The following N4BP3 variants were observed in gnomAD, a reference collection of about 807,000 sequenced individuals.
N4BP3 encodes NEDD4 binding protein 3.
A neutral mutation model predicts 43.8 loss-of-function variants in N4BP3; 33 were observed. The ratio of observed to expected loss-of-function variants is 0.75; its 90% CI spans 0.57 to 1.01. The LOEUF (loss-of-function observed/expected upper bound fraction) is 1.01. N4BP3 is among the 50% of genes least tolerant of loss of function. N4BP3 has a pLI of 0.00. For synonymous variants in N4BP3, 326 were observed against 321.9 expected, an observed-to-expected ratio of 1.01 and a Z score of -0.14; for missense variants, 756 against 744.2, an observed-to-expected ratio of 1.02 and a Z score of -0.18.
At position 178,120,692 on chromosome 5, in the gene N4BP3, T is replaced by A; in HGVS notation, c.845T>A (p.Phe282Tyr). 6.3e-7 allele frequency: 1 copy of A among 1,587,092 alleles called. No homozygotes were observed. The highest frequency in any genetic ancestry group is 8.5e-7 in the Non-Finnish European group (1 of 1,171,660). The change falls in exon 3 of 5, where the codon TTC becomes TAC. Residue 282 changes from phenylalanine to tyrosine, a missense_variant. By Grantham distance (22) the Phe-to-Tyr change is conservative. Transcript: ENST00000274605. ...GGCGATGAGGACGGCTCCAACCCCT[T>A]CACGCAGGTGAGGGAGCCCCTGCCC... ...GLGDEDGSNP[F>Y]TQVLEERQRL... is the part of the protein sequence containing the mutation.
At chr5:178,126,273 A>C (rs1438634774), downstream of N4BP3, among the ~76,000 whole-genome samples, 1 of 70,076 alleles carries the variant, frequency 1.4e-5, no homozygotes, top group African/African-American at 4.3e-5. Context: ...CCGCCTCCCG[A>C]GTTCAAGCAG....
At chr5:178,116,456 T>C (rs947719560) in intron 1 of N4BP3, among the ~76,000 whole-genome samples, 1 of 152,134 alleles carries the variant, frequency 6.6e-6, no homozygotes, top group Non-Finnish European at 1.5e-5. Context: ...GGGAAGGGGC[T>C]GTCTGCTGCT....
intron 1 of N4BP3, among the ~76,000 whole-genome samples, chr5:178,114,030 C>A (rs760798890): frequency 6.6e-6 from 1 of 152,128 alleles, no homozygotes; most frequent in Non-Finnish European, 1.5e-5. Context: ...GGCTACCTTG[C>A]TCTCCCCAAC....
Position 178,125,167 on chromosome 5 carries a change from C to G in N4BP3, c.*3166C>G, listed in dbSNP as rs1237921005. The G allele has an allele frequency of 6.6e-6, 1 of 152,444 alleles. No homozygotes were observed. The highest frequency in any genetic ancestry group is 2.4e-5 in the African/African-American group (1 of 41,460). 9.4% of individuals were successfully genotyped at this position (152,444 alleles called of 1,614,324 possible). On this transcript the variant is annotated 3_prime_UTR_variant, in exon 5 of 5. Transcript: ENST00000274605. Reference sequence around the variant, plus strand: ...ACTCCAGGGGCAGCTGCCATTCGTTCCAGTGATGTATTTGGGGCCTTCTCA... The same window carrying G: ...ACTCCAGGGGCAGCTGCCATTCGTTGCAGTGATGTATTTGGGGCCTTCTCA...
rs753336203 is a variant in N4BP3 at position 178,121,098 on chromosome 5, G to A, written c.853G>A (p.Val285Met). 3.1e-6 allele frequency: 5 copies of A among 1,597,400 alleles called. No homozygotes were observed. In the Admixed American group the frequency reaches 8.4e-5, roughly 27 times the overall value. ...TGGATGCATCTCTTCCCCTTGACAG[G>A]TGCTGGAGGAGCGCCAGCGGCTGTG... ...DEDGSNPFTQ[V>M]LEERQRLWLA... Residue 285 changes from valine (V) to methionine (M), a missense_variant and splice_region_variant, in exon 4 of 5, where the codon GTG becomes ATG. Transcript: ENST00000274605.
chr5:178,115,404 C>T (rs1030877529), intron 1 of N4BP3, among the ~76,000 whole-genome samples: 3 of 152,144 alleles, frequency 2.0e-5, no homozygotes, highest in Non-Finnish European at 4.4e-5. Context: ...CAGACACGCC[C>T]CTTAGCAGAG....
rs1053745538 is a variant in N4BP3 at position 178,121,482 on chromosome 5, G to A, written c.1116G>A (p.Gln372=). 8.7e-6 allele frequency: 14 copies of A among 1,613,948 alleles called. No homozygotes were observed. The highest frequency in any genetic ancestry group is 1.7e-5 in the Admixed American group (1 of 60,028). Residue 372 remains glutamine (Q), a synonymous_variant, in exon 5 of 5, where the codon CAG becomes CAA. Coordinates refer to ENST00000274605, the MANE Select transcript of N4BP3 (RefSeq NM_015111.2). ...TCCTCCCCATCCCCCAGGTGTGCCA[G>A]AAGACAGCAGAGATTAGCCTCTTGA... ...PEEEARWEVC[Q]KTAEISLLKQ...
Position 178,121,898 on chromosome 5 carries a change from A to T in N4BP3, c.1532A>T (p.Tyr511Phe). The T allele has an allele frequency of 1.2e-6, 2 of 1,611,456 alleles. No homozygotes were observed. The highest frequency in any genetic ancestry group is 1.1e-5 in the South Asian group (1 of 90,936). Residue 511 changes from tyrosine to phenylalanine, a missense_variant, in exon 5 of 5, where the codon TAC (tyrosine) becomes TTC (phenylalanine). Physicochemically the swap from Tyr to Phe is conservative, Grantham distance 22. Transcript: ENST00000274605. ...LRYQREIQGG[Y>F]MDMYRRNQAL... The stretch of plus-strand genomic sequence containing the variant: ...TACCAGCGGGAGATCCAGGGAGGGT[A>T]CATGGACATGTACCGCCGCAACCAG...
chr5:178,114,275 A>G (rs1419818460), intron 1 of N4BP3, among the ~76,000 whole-genome samples: 1 of 152,076 alleles, frequency 6.6e-6, no homozygotes, highest in Non-Finnish European at 1.5e-5. Flanking sequence ...CTTTCCTGAC[A>G]CAAATTCCGT....
At chr5:178,117,482 G>C (rs148819292) in intron 1 of N4BP3, among the ~76,000 whole-genome samples, 5 of 151,954 alleles carry the variant, frequency 3.3e-5, no homozygotes, top group Non-Finnish European at 5.9e-5. Flanking sequence ...ACAGTGTCAC[G>C]CACCTGTGTT....
chr5:178,118,415 CTG>C lies in N4BP3; in HGVS notation c.-30-1138_-30-1137del, dbSNP rs1341749097. Among the ~76,000 whole-genome samples the C allele has an allele frequency of 6.6e-6, 1 of 152,214 alleles. No individual in the cohort carries two copies. The highest frequency in any genetic ancestry group is 2.4e-5 in the African/African-American group (1 of 41,450). ...GTGTGTGTGCGGAAGTCCAGGCTCA[CTG>C]AGGTTAGTGGCTTGGCCGGGGTCAC... On this transcript the variant is annotated intron_variant, in intron 1 of 4. Transcript: ENST00000274605. The surrounding 1 kb of genome is among the most constrained non-coding windows in gnomAD (Gnocchi z 5.4).
chr5:178,120,037 T>C, intron 2 of N4BP3, 124 bp downstream of exon 2: 1 of 1,467,624 alleles, frequency 6.8e-7, no homozygotes, highest in Non-Finnish European at 9.1e-7. Context: ...TGGGCTGGCC[T>C]GAGGTTTGTT....
rs1408406720 is a variant in N4BP3 at position 178,125,875 on chromosome 5, A to G, written c.*3874A>G. 1 of 151,788 alleles carries G rather than the reference A, an allele frequency of 6.6e-6. No individual in the cohort carries two copies. The highest frequency in any genetic ancestry group is 1.5e-5 in the Non-Finnish European group (1 of 67,968). 9.4% of individuals were successfully genotyped at this position (151,788 alleles called of 1,614,324 possible). On this transcript the variant is annotated 3_prime_UTR_variant, in exon 5 of 5. Coordinates refer to ENST00000274605, the MANE Select transcript of N4BP3 (RefSeq NM_015111.2). ...TGGCAACCACTGATCTGCTTTCACA[A>G]TAACCGTATGGGGTTTTTTCTCTTT... is the stretch of plus-strand genomic sequence containing the variant.
chr5:178,121,503 CTT>C lies in N4BP3; in HGVS notation c.1138_1139del (p.Leu380GlufsTer6). 1 of 1,613,962 alleles carries C rather than the reference CTT, an allele frequency of 6.2e-7. No individual in the cohort carries two copies. The highest frequency in any genetic ancestry group is 1.1e-5 in the South Asian group (1 of 91,092). On this transcript the variant is annotated frameshift_variant, in exon 5 of 5. Coordinates refer to ENST00000274605, the MANE Select transcript of N4BP3 (RefSeq NM_015111.2). LOFTEE classifies it high-confidence loss of function. The part of the protein sequence containing the change: ...VCQKTAEISL[L>X]KQQLREAQAE... ...GCCAGAAGACAGCAGAGATTAGCCT[CTT>C]GAAGCAGCAGCTGCGTGAAGCCCAG...
In N4BP3 at chr5:178,124,877, A is replaced by G. The variant is rs1174394916; in HGVS notation, c.*2876A>G. 1 of 152,558 alleles carries G rather than the reference A, an allele frequency of 6.6e-6. No homozygotes were observed. The highest frequency in any genetic ancestry group is 1.5e-5 in the Non-Finnish European group (1 of 68,348). The allele number at this position is 152,558 out of a possible 1,614,324, so 9.5% of individuals were successfully genotyped here. A position where few individuals can be genotyped will look rare whatever the true frequency, so the allele number is the denominator to read the frequency against. On this transcript the variant is annotated 3_prime_UTR_variant, in exon 5 of 5. Transcript: ENST00000274605. ...TGGGCACTCCCTCCTCCCTGCGCCC[A>G]CAGCCCCCATGCCAATCTCCGTCAG...
In N4BP3 at chr5:178,122,047, C is replaced by G; in HGVS notation, c.*46C>G. ...AGCAGCAACACTGTCAGAAGGTGCCCTGAGACGGCCGGCTCAGCCTTCCCT... is the reference window on the plus strand; with the variant it reads ...AGCAGCAACACTGTCAGAAGGTGCCGTGAGACGGCCGGCTCAGCCTTCCCT... On this transcript the variant is annotated 3_prime_UTR_variant, in exon 5 of 5. Coordinates refer to ENST00000274605, the MANE Select transcript of N4BP3 (RefSeq NM_015111.2). 6.6e-7 allele frequency: 1 copy of G among 1,523,196 alleles called. No homozygotes were observed. Among genetic ancestry groups the G allele is most frequent in the Non-Finnish European group, 8.8e-7 (1 of 1,138,228 alleles). The allele number at this position is 1,523,196 out of a possible 1,614,324, so 94.4% of individuals were successfully genotyped here.
At position 178,122,983 on chromosome 5, in the gene N4BP3, G is replaced by A. The variant is rs1375710546; in HGVS notation, c.*982G>A. On this transcript the variant is annotated 3_prime_UTR_variant, in exon 5 of 5. Transcript: ENST00000274605. ...GGGGCTCTAGGGCATTATTAAGTAG[G>A]GGTGAAATATGATTGATTTGCATTC... The A allele has an allele frequency of 6.6e-6, 1 of 152,246 alleles. No individual in the cohort carries two copies. The highest frequency in any genetic ancestry group is 2.4e-5 in the African/African-American group (1 of 41,446). The allele number at this position is 152,246 out of a possible 1,614,324, so 9.4% of individuals were successfully genotyped here. A position where few individuals can be genotyped will look rare whatever the true frequency, so the allele number is the denominator to read the frequency against.
intron 1 of N4BP3, among the ~76,000 whole-genome samples, chr5:178,114,653 C>G (rs1298803507): frequency 6.6e-6 from 1 of 152,228 alleles, no homozygotes; most frequent in Non-Finnish European, 1.5e-5. Context: ...TTATCAGCCT[C>G]CTCCCAGGGC....
In N4BP3 at chr5:178,121,712, G is replaced by T. The variant is rs752209708; in HGVS notation, c.1346G>T (p.Ser449Ile). ...PGSCETDDCK[S>I]RGLLGEAGGS... ...AGCTGTGAGACTGATGACTGCAAGA[G>T]CAGGGGCCTGCTAGGGGAGGCAGGA... is the stretch of plus-strand genomic sequence containing the variant. Residue 449 changes from serine (S) to isoleucine (I), a missense_variant, in exon 5 of 5, where the codon AGC becomes ATC. Ser to Ile is a moderately radical substitution (Grantham distance 142). Transcript: ENST00000274605. 7.5e-6 allele frequency: 12 copies of T among 1,609,454 alleles called. No individual in the cohort carries two copies. In the Admixed American group the frequency reaches 1.8e-4, roughly 25 times the overall value.
Sources: allele counts gnomAD v4.1 joint callset (sites outside exome capture counted in the v4.1 genomes callset), GRCh38; gene constraint gnomAD v4.1.1; non-coding constraint Gnocchi (gnomAD v3.1); transcripts MANE v1.5; gene names NCBI Gene and HGNC (gene_info 2026-07-23, HGNC 2026-07-21).